CPM: variants seen among roughly 807,000 people sequenced by gnomAD.
CPM encodes the protein renal carboxypeptidase.
Under a neutral mutation model 46.4 loss-of-function variants are expected in CPM, and 35 were observed. The ratio of observed to expected loss-of-function variants is 0.75; its 90% CI spans 0.58 to 1.00. The LOEUF (loss-of-function observed/expected upper bound fraction) is 1.00, where lower values mean the gene tolerates loss of function less well. CPM is among the 50% of genes least tolerant of loss of function. The pLI is 0.00. For missense variants in CPM, 422 were observed against 530.4 expected, an observed-to-expected ratio of 0.80 and a Z score of 2.01; for synonymous variants, 195 against 195.3, an observed-to-expected ratio of 1.00 and a Z score of 0.01.
At chr12:68,904,307 T>C (rs1160404038) in intron 2 of CPM, among the ~76,000 whole-genome samples, 2 of 152,238 alleles carry the variant, frequency 1.3e-5, no homozygotes, top group Non-Finnish European at 2.9e-5. Context: ...CGTCTCATAA[T>C]GGACTGATGT....
At chr12:68,864,723 T>C (rs1198145344) in intron 7 of CPM, among the ~76,000 whole-genome samples, 2 of 152,090 alleles carry the variant, frequency 1.3e-5, no homozygotes, top group African/African-American at 2.4e-5. Flanking sequence ...CAGAAAAGGA[T>C]AGGCAGAGCC....
At chr12:68,898,418 C>T (rs902191905) in intron 2 of CPM, among the ~76,000 whole-genome samples, 2 of 152,072 alleles carry the variant, frequency 1.3e-5, no homozygotes, top group African/African-American at 4.8e-5. Context: ...CCCTAAAAAG[C>T]TCTCATTCTA....
At chr12:68,868,464 G>A (rs1342432018) in intron 6 of CPM, among the ~76,000 whole-genome samples, 1 of 152,176 alleles carries the variant, frequency 6.6e-6, no homozygotes, top group African/African-American at 2.4e-5. Context: ...ACTTGCTGTT[G>A]GTGGGGTCAG....
intron 8 of CPM, among the ~76,000 whole-genome samples, 185 bp from the exon 9 acceptor site, chr12:68,856,864 A>G (rs1255281385): frequency 6.6e-6 from 1 of 152,218 alleles, no homozygotes; most frequent in Non-Finnish European, 1.5e-5. Flanking sequence ...GTTGACAGAG[A>G]CCAGCGTTGT....
At chr12:68,898,358 C>T (rs1004590175) in intron 2 of CPM, among the ~76,000 whole-genome samples, 5 of 152,158 alleles carry the variant, frequency 3.3e-5, no homozygotes, top group African/African-American at 2.4e-5. Context: ...CCATAAGCTA[C>T]TGTGGAGAAG....
intron 2 of CPM, among the ~76,000 whole-genome samples, chr12:68,887,109 C>CAA (rs1300876401): frequency 6.6e-6 from 1 of 152,210 alleles, no homozygotes; most frequent in Non-Finnish European, 1.5e-5. Context: ...CTCCCACTAA[C>CAA]AAAAACTGCT....
rs747035299 is a variant in CPM, at chr12:68,911,323, C to T, written c.160+21355G>A. Among the ~76,000 whole-genome samples the T allele has an allele frequency of 9.9e-5, 15 of 152,232 alleles. 1 individual carries two copies. The South Asian group carries it at 1.2e-3, about 13-fold the overall frequency. On this transcript the variant is annotated intron_variant, in intron 2 of 8. Transcript: ENST00000551568. ...TGCTATAACTTGTATGGCCCAGGTC[C>T]CAAAGTGTGCTGGCAGGAACAAGGT...
chr12:68,891,538 G>A (rs146968997), intron 2 of CPM, among the ~76,000 whole-genome samples: 97 of 152,316 alleles, frequency 6.4e-4, no homozygotes, highest in African/African-American at 2.1e-3. Flanking sequence ...TAGGTATAGG[G>A]TTATCCTTTC....
chr12:68,941,037 G>A (rs1306271661), intron 1 of CPM, among the ~76,000 whole-genome samples: 2 of 151,996 alleles, frequency 1.3e-5, no homozygotes, highest in African/African-American at 4.8e-5. Flanking sequence ...CTTTCTAAAA[G>A]TCTGACTAGT....
At chr12:68,858,771 T>G (rs1352403424) in intron 8 of CPM, 152 bp downstream of exon 8, 1 of 382,850 alleles carries the variant, frequency 2.6e-6, no homozygotes. Context: ...CTCTTCCACC[T>G]CCTGCCAATT....
At chr12:68,920,357 A>G (rs988935452) in intron 2 of CPM, among the ~76,000 whole-genome samples, 2 of 152,194 alleles carry the variant, frequency 1.3e-5, no homozygotes, top group Admixed American at 6.5e-5. Context: ...AAATGACCCT[A>G]CGCTTCCCAC....
chr12:68,937,387 G>T (rs1888689177), upstream of CPM, among the ~76,000 whole-genome samples: 2 of 152,180 alleles, frequency 1.3e-5, no homozygotes, highest in African/African-American at 4.8e-5. Context: ...CATAACTAGG[G>T]ATGGGAGCTA....
At chr12:68,903,809 C>T (rs1887216431) in intron 2 of CPM, among the ~76,000 whole-genome samples, 1 of 152,106 alleles carries the variant, frequency 6.6e-6, no homozygotes, top group South Asian at 2.1e-4. Context: ...TCTGTCTCTC[C>T]TTCCCTCTGT....
At chr12:68,882,026 T>G (rs7954729) in intron 3 of CPM, among the ~76,000 whole-genome samples, 6,432 of 37,404 alleles carry the variant, frequency 0.17, 616 homozygotes, top group African/African-American at 0.39. Context: ...CCGGCCTGCT[T>G]TTTTTTTTTT....
chr12:68,945,551 A>G (rs1342702921), intron 1 of CPM, among the ~76,000 whole-genome samples: 1 of 152,154 alleles, frequency 6.6e-6, no homozygotes, highest in East Asian at 1.9e-4. Context: ...GAGTGAAACC[A>G]TTTTGCAGTT....
intron 2 of CPM, among the ~76,000 whole-genome samples, chr12:68,930,661 CATG>C: frequency 6.6e-6 from 1 of 152,338 alleles, no homozygotes; most frequent in East Asian, 1.9e-4. Flanking sequence ...TTTATTTTTA[CATG>C]ATAACTCCTC....
At chr12:68,866,718 T>A in intron 7 of CPM, 178 bp downstream of exon 7, 1 of 578,074 alleles carries the variant, frequency 1.7e-6, no homozygotes, top group South Asian at 2.4e-5. Context: ...GAGTGGGCAC[T>A]GCATTTCTCA....
chr12:68,885,100 C>T (rs551008909), intron 3 of CPM, among the ~76,000 whole-genome samples: 14 of 152,274 alleles, frequency 9.2e-5, no homozygotes, highest in African/African-American at 2.9e-4. Flanking sequence ...TGCGCCACCA[C>T]ACCTGGCTAA....
intron 2 of CPM, among the ~76,000 whole-genome samples, chr12:68,902,265 T>G (rs1409120144): frequency 6.6e-6 from 1 of 152,206 alleles, no homozygotes; most frequent in Admixed American, 6.5e-5. Flanking sequence ...CATGTGAAAT[T>G]TGCTGTACCT....
Sources: allele counts gnomAD v4.1 joint callset (sites outside exome capture counted in the v4.1 genomes callset), GRCh38; gene constraint gnomAD v4.1.1; transcripts MANE v1.5; gene names NCBI Gene and HGNC (gene_info 2026-07-23, HGNC 2026-07-21).